Variants in SLC18A2 observed in about 807,000 individuals in gnomAD.
SLC18A2 encodes solute carrier family 18 member A2.
Under a neutral mutation model 59.2 loss-of-function variants are expected in SLC18A2, and 33 were observed. The ratio of observed to expected loss-of-function variants is 0.56; its 90% CI spans 0.42 to 0.75. The LOEUF is 0.75. SLC18A2 is among the 30% of genes least tolerant of loss of function. SLC18A2 has a pLI of 0.00. For synonymous variants in SLC18A2, 228 were observed against 253.5 expected (o/e 0.90, Z 0.95); for missense variants, 569 against 668.6 (o/e 0.85, Z 1.64).
chr10:117,267,913 A>G (rs1844367775), intron 13 of SLC18A2, 177 bp downstream of exon 13: 3 of 483,578 alleles, frequency 6.2e-6, no homozygotes, highest in South Asian at 4.3e-5. Context: ...ACCTGCTTCT[A>G]TGCACTAGTC....
At chr10:117,267,566 G>A in intron 12 of SLC18A2, 107 bp from the exon 13 acceptor site, 2 of 743,984 alleles carry the variant, frequency 2.7e-6, no homozygotes, top group East Asian at 2.7e-5. Flanking sequence ...TTCTTCAGAA[G>A]GGAACAGGCA....
At position 117,255,302 on chromosome 10, in the gene SLC18A2, C is replaced by T; in HGVS notation, c.726C>T (p.Leu242=). 6.2e-7 allele frequency: 1 copy of T among 1,614,210 alleles called. No homozygotes were observed. Among genetic ancestry groups the T allele is most frequent in the Non-Finnish European group, 8.5e-7 (1 of 1,180,022 alleles). The change falls in exon 7 of 16, where the codon CTC becomes CTT. Residue 242 remains leucine, a synonymous_variant. Transcript: ENST00000644641. ...TGGGCCCCCCCTTCGGGAGTGTGCTCTATGAGTTTGTGGGGAAGACGGCTC... is the reference window on the plus strand; with the variant it reads ...TGGGCCCCCCCTTCGGGAGTGTGCTTTATGAGTTTGTGGGGAAGACGGCTC... ...VLVGPPFGSV[L]YEFVGKTAPF... is the part of the protein sequence containing the mutation.
chr10:117,276,022 C>G (rs1409508136), intron 15 of SLC18A2, among the ~76,000 whole-genome samples: 2 of 151,878 alleles, frequency 1.3e-5, no homozygotes, highest in African/African-American at 4.8e-5. Context: ...CAAGCATGGT[C>G]ACTTGCACCT....
intron 3 of SLC18A2, among the ~76,000 whole-genome samples, chr10:117,245,828 G>T (rs1014880597): frequency 1.3e-5 from 2 of 152,166 alleles, no homozygotes; most frequent in Admixed American, 6.5e-5. Flanking sequence ...GAGTCGGACA[G>T]GAGCACATTC....
chr10:117,270,888 T>C (rs971223315), intron 15 of SLC18A2, among the ~76,000 whole-genome samples: 7 of 152,218 alleles, frequency 4.6e-5, no homozygotes, highest in Non-Finnish European at 1.0e-4. Context: ...TTGTCTTTAC[T>C]GTATGTAGGA....
At chr10:117,266,865 A>G (rs1044673163) in intron 11 of SLC18A2, 54 bp downstream of exon 11, 37 of 1,574,744 alleles carry the variant, frequency 2.3e-5, no homozygotes, top group Non-Finnish European at 3.0e-5. Flanking sequence ...AGTTCTTTCA[A>G]AAAATTCTAA....
intron 10 of SLC18A2, among the ~76,000 whole-genome samples, chr10:117,260,930 G>A (rs1444397972): frequency 1.3e-5 from 2 of 152,182 alleles, no homozygotes; most frequent in Non-Finnish European, 2.9e-5. Context: ...TCTTTAGGCT[G>A]TTTCCTTAAC....
At chr10:117,267,396 C>T (rs958666180) in intron 12 of SLC18A2, 10 of 440,906 alleles carry the variant, frequency 2.3e-5, no homozygotes, top group African/African-American at 5.8e-5. Context: ...CCTCATGAGG[C>T]CTACTTGTTC....
intron 3 of SLC18A2, among the ~76,000 whole-genome samples, chr10:117,245,588 G>C (rs1457245442): frequency 6.6e-6 from 1 of 152,106 alleles, no homozygotes; most frequent in Non-Finnish European, 1.5e-5. Flanking sequence ...TGCATAATTT[G>C]TGGGTCTCGG....
intron 13 of SLC18A2, among the ~76,000 whole-genome samples, chr10:117,268,912 G>A (rs1381303222): frequency 6.7e-6 from 1 of 148,754 alleles, no homozygotes; most frequent in African/African-American, 2.5e-5. Context: ...GTGTATGTGT[G>A]TGAACTAAAA....
At chr10:117,276,502 T>C (rs1844492825) in intron 15 of SLC18A2, among the ~76,000 whole-genome samples, 1 of 149,674 alleles carries the variant, frequency 6.7e-6, no homozygotes, top group South Asian at 2.1e-4. Context: ...TAATATCAGC[T>C]ACTTGGGAGG....
chr10:117,244,346 T>C, intron 3 of SLC18A2, 33 bp downstream of exon 3: 2 of 1,555,434 alleles, frequency 1.3e-6, no homozygotes, highest in Non-Finnish European at 1.8e-6. Context: ...AAGAGTTTGA[T>C]ATTTGTATCA....
In SLC18A2 at chr10:117,266,583, C is replaced by T. The variant is rs74159162; in HGVS notation, c.992-150C>T. On this transcript the variant is annotated intron_variant, in intron 10 of 15. Coordinates refer to ENST00000644641, the MANE Select transcript of SLC18A2 (RefSeq NM_003054.6). ...AAGCCACGTGGGTCCAGACCGGATCCGGCAGGCGCCGGATATTAGCTGCTG... is the reference window on the plus strand; with the variant it reads ...AAGCCACGTGGGTCCAGACCGGATCTGGCAGGCGCCGGATATTAGCTGCTG... 2,939 of 652,014 alleles carry T rather than the reference C, an allele frequency of 4.5e-3. 58 individuals are homozygous for T. The highest frequency in any genetic ancestry group is 0.044 in the African/African-American group (2,430 of 54,698). 40.4% of individuals were successfully genotyped at this position (652,014 alleles called of 1,614,324 possible).
intron 3 of SLC18A2, among the ~76,000 whole-genome samples, chr10:117,246,312 C>T (rs576216742): frequency 1.3e-5 from 2 of 152,290 alleles, no homozygotes; most frequent in East Asian, 1.9e-4. Flanking sequence ...ATCTTCCAAA[C>T]GCAAATGGCA....
chr10:117,277,236 A>G lies in SLC18A2; in HGVS notation c.1515A>G (p.Ile505Met), dbSNP rs1247025765. Residue 505 changes from isoleucine to methionine, a missense_variant, in exon 16 of 16, where the codon ATA becomes ATG. By Grantham distance (10) the Ile-to-Met change is conservative. Coordinates refer to ENST00000644641, the MANE Select transcript of SLC18A2 (RefSeq NM_003054.6). ...AGAATAATATCCAGTCATATCCGAT[A>G]GGTGAAGATGAAGAATCTGAAAGTG... ...YTQNNIQSYP[I>M]GEDEESESD 4 of 1,609,968 alleles carry G rather than the reference A, an allele frequency of 2.5e-6. No homozygotes were observed. Among genetic ancestry groups the G allele is most frequent in the Admixed American group, 3.3e-5 (2 of 59,920 alleles).
Position 117,255,470 on chromosome 10 carries a change from A to G in SLC18A2, c.791-9A>G, listed in dbSNP as rs199992913. ...AGAGGGGCTTGTCTTTTTTATTTTT[A>G]TTTTTTAGCTATTCAGCTCTTTGTG... On this transcript the variant is annotated splice_polypyrimidine_tract_variant and intron_variant, in intron 7 of 15. Transcript: ENST00000644641. 256 of 1,613,342 alleles carry G rather than the reference A, an allele frequency of 1.6e-4. 1 individual carries two copies. The highest frequency in any genetic ancestry group is 2.2e-5 in the Non-Finnish European group (26 of 1,179,806).
intron 4 of SLC18A2, 64 bp downstream of exon 4, chr10:117,253,521 G>C: frequency 1.1e-5 from 8 of 739,018 alleles, no homozygotes; most frequent in Admixed American, 2.3e-5. Context: ...ATGCCCATGA[G>C]CCGGGAATTA....
Position 117,245,142 on chromosome 10 carries a change from G to T in SLC18A2, c.464+829G>T, listed in dbSNP as rs573662994. On this transcript the variant is annotated intron_variant, in intron 3 of 15. Transcript: ENST00000644641. ...CTGAGAGGAGGAGGCAGGCCCCCAA[G>T]GTGTCAGTGCAAGGAGTGGGAGCTG... Among the ~76,000 whole-genome samples the T allele has an allele frequency of 2.0e-5, 3 of 152,300 alleles. No homozygotes were observed. The South Asian group carries it at 6.2e-4, about 32-fold the overall frequency.
At chr10:117,253,250 C>CA (rs1163390013) in intron 3 of SLC18A2, 149 bp from the exon 4 acceptor site, 2 of 641,698 alleles carry the variant, frequency 3.1e-6, no homozygotes, top group Non-Finnish European at 5.6e-6. Flanking sequence ...AAAAAGGTCA[C>CA]ATAGGAAGCA....
Sources: gnomAD v4.1 joint callset for allele counts (sites outside exome capture counted in the v4.1 genomes callset) on GRCh38, gnomAD v4.1.1 for gene constraint, MANE v1.5 for transcripts, NCBI Gene and HGNC (gene_info 2026-07-23, HGNC 2026-07-21) for gene names.